The following DNAAF9 variants were observed in gnomAD, a reference collection of about 807,000 sequenced individuals.
The protein encoded by DNAAF9 is dynein axonemal assembly factor 9.
A neutral mutation model predicts 167.0 loss-of-function variants in DNAAF9; 90 were observed. That is an observed-to-expected ratio of 0.54 (90% CI 0.45 to 0.64). The LOEUF (loss-of-function observed/expected upper bound fraction) is 0.64, where lower values mean the gene tolerates loss of function less well. Ranked by LOEUF, DNAAF9 falls within the 30% of genes least tolerant of loss-of-function variation. The probability of loss-of-function intolerance (pLI) is 0.00; values close to 1 mark genes in which losing one functional copy is unlikely to be tolerated. For synonymous variants in DNAAF9, 491 were observed against 508.8 expected, an observed-to-expected ratio of 0.96 and a Z score of 0.47; for missense variants, 1,315 against 1,442.2, an observed-to-expected ratio of 0.91 and a Z score of 1.43.
intron 23 of DNAAF9, chr20:3,295,620 G>A: frequency 2.3e-6 from 1 of 438,210 alleles, no homozygotes. Context: ...GGGACTGAGA[G>A]GGAGCGTGAG....
intron 10 of DNAAF9, among the ~76,000 whole-genome samples, chr20:3,335,757 CA>C (rs151182468): frequency 0.22 from 21,433 of 97,972 alleles, 1,674 homozygotes; most frequent in African/African-American, 0.25. Flanking sequence ...AACTCCGTCT[CA>C]AAAAAAAAAA....
intron 25 of DNAAF9, among the ~76,000 whole-genome samples, chr20:3,292,005 T>C (rs1207311559): frequency 6.6e-6 from 1 of 151,414 alleles, no homozygotes; most frequent in Non-Finnish European, 1.5e-5. Flanking sequence ...AGAGCACCTT[T>C]TTTTTTTTTT....
intron 21 of DNAAF9, among the ~76,000 whole-genome samples, chr20:3,302,421 C>T (rs1341252961): frequency 6.6e-6 from 1 of 152,106 alleles, no homozygotes; most frequent in African/African-American, 2.4e-5. Flanking sequence ...GATCTGAACA[C>T]CTTATTGTTG....
At chr20:3,291,704 T>C (rs113091236) in intron 25 of DNAAF9, among the ~76,000 whole-genome samples, 6,706 of 152,216 alleles carry the variant, frequency 0.044, 222 homozygotes, top group African/African-American at 0.093. Context: ...AAATAACTTA[T>C]GCTAAAGCTA....
At chr20:3,358,621 C>A (rs2123171633) in intron 7 of DNAAF9, among the ~76,000 whole-genome samples, 1 of 152,276 alleles carries the variant, frequency 6.6e-6, no homozygotes, top group African/African-American at 2.4e-5. Flanking sequence ...ACCTTCCGTT[C>A]TTTCAAGGAA....
Position 3,330,681 on chromosome 20 carries a change from A to C in DNAAF9, c.1065T>G (p.Gly355=). The C allele has an allele frequency of 6.3e-7, 1 of 1,593,370 alleles. No homozygotes were observed. Among genetic ancestry groups the C allele is most frequent in the Non-Finnish European group, 8.6e-7 (1 of 1,163,288 alleles). Residue 355 remains glycine (G), a splice_region_variant and synonymous_variant, in exon 12 of 37, where the codon GGT becomes GGG. Transcript: ENST00000252032. ...FFGATHVPYL[G]GDSKLPKKTE... ...TTTTCTTGGGCAGCTTGCTGTCACC[A>C]CCTGTGAAAGAGGCCCACTAAGAAT...
rs757136085 is a variant in DNAAF9 at position 3,382,450 on chromosome 20, G to A, written c.140C>T (p.Pro47Leu). Residue 47 changes from proline to leucine, a missense_variant, in exon 2 of 37, where the codon CCG (proline) becomes CTG (leucine). Transcript: ENST00000252032. ...SILTQSSKSRPDGILCILGID... is the reference protein window; with the variant it reads ...SILTQSSKSRLDGILCILGID... ...ACCTAGGATGCAGAGGATCCCATCC[G>A]GCCGAGACTTGCTGCTCTGGGTCAG... 4.3e-6 allele frequency: 7 copies of A among 1,613,616 alleles called. No homozygotes were observed. The highest frequency in any genetic ancestry group is 2.2e-5 in the East Asian group (1 of 44,882).
rs2070206118 is a variant in DNAAF9 at position 3,347,042 on chromosome 20, G to A, written c.789+1483C>T. Among the ~76,000 whole-genome samples the A allele has an allele frequency of 2.0e-5, 3 of 151,816 alleles. No individual in the cohort carries two copies. The South Asian group carries it at 6.2e-4, about 31-fold the overall frequency. On this transcript the variant is annotated intron_variant, in intron 8 of 36. Transcript: ENST00000252032. ...AACAAAATCCAAGCACAAGAAACAT[G>A]AAGAAAACTACAGCAAGACATACCA...
rs1351016754 is a variant in DNAAF9, at chr20:3,349,610, A to G, written c.691-987T>C. On this transcript the variant is annotated intron_variant, in intron 7 of 36. Transcript: ENST00000252032. ...TCTAGTAGCCACATGAGCACTGAGA[A>G]ACTGCACCCTTCTTAGCTGACTCTC... Among the ~76,000 whole-genome samples, 4 of 152,148 alleles carry G rather than the reference A, an allele frequency of 2.6e-5. No homozygotes were observed. The East Asian group carries it at 7.7e-4, about 29-fold the overall frequency.
chr20:3,317,977 C>T (rs557378627), intron 17 of DNAAF9, among the ~76,000 whole-genome samples: 58 of 152,196 alleles, frequency 3.8e-4, no homozygotes, highest in African/African-American at 1.3e-3. Flanking sequence ...TTGTTTTCCA[C>T]GTCTGTGAAG....
chr20:3,379,664 ATGTAGAAATTTGG>A (rs2083621183), intron 3 of DNAAF9, among the ~76,000 whole-genome samples: 1 of 152,174 alleles, frequency 6.6e-6, no homozygotes, highest in Non-Finnish European at 1.5e-5. Flanking sequence ...TGAGATCAAA[ATGTAGAAATTTGG>A]TGATCTCTGC....
At chr20:3,398,115 A>G (rs1286407236) in intron 1 of DNAAF9, among the ~76,000 whole-genome samples, 1 of 152,192 alleles carries the variant, frequency 6.6e-6, no homozygotes, top group Non-Finnish European at 1.5e-5. Context: ...CTCTAAAGCT[A>G]GAAGAGAAAT....
At chr20:3,395,466 A>C (rs1401403455) in intron 1 of DNAAF9, among the ~76,000 whole-genome samples, 2 of 151,830 alleles carry the variant, frequency 1.3e-5, no homozygotes, top group African/African-American at 4.8e-5. Context: ...TTTTTAGTAA[A>C]GACAGGGTTA....
At chr20:3,272,115 T>C (rs1395839589) in intron 29 of DNAAF9, among the ~76,000 whole-genome samples, 1 of 152,114 alleles carries the variant, frequency 6.6e-6, no homozygotes, top group Non-Finnish European at 1.5e-5. Context: ...CAAACAAAAA[T>C]ACTTCAACGT....
At chr20:3,329,538 T>C (rs549771322) in intron 12 of DNAAF9, among the ~76,000 whole-genome samples, 1 of 152,330 alleles carries the variant, frequency 6.6e-6, no homozygotes, top group Non-Finnish European at 1.5e-5. Context: ...TTTCTCTAAT[T>C]CCATATTTTC....
At position 3,324,959 on chromosome 20, in the gene DNAAF9, C is replaced by T. The variant is rs1314565356; in HGVS notation, c.1198G>A (p.Val400Ile). 12 of 1,591,266 alleles carry T rather than the reference C, an allele frequency of 7.5e-6. No homozygotes were observed. The East Asian group carries it at 8.9e-5, about 12-fold the overall frequency. ...CCAGATCCCAGAGTTTGCTCTGCTACCTCCTTGGCCTGTAAAATAATAAGA... is the reference window on the plus strand; with the variant it reads ...CCAGATCCCAGAGTTTGCTCTGCTATCTCCTTGGCCTGTAAAATAATAAGA... The part of the protein sequence containing the change: ...KTSSLTKAKE[V>I]AEQTLGSGLD... Residue 400 changes from valine to isoleucine, a missense_variant, in exon 14 of 37, where the codon GTA (valine) becomes ATA (isoleucine). Physicochemically the swap from Val to Ile is conservative, Grantham distance 29. This residue lies in a region of DNAAF9 where 981 missense variants were observed against 1,012.5 expected (regional missense o/e 0.97). Coordinates refer to ENST00000252032, the MANE Select transcript of DNAAF9 (RefSeq NM_001009984.3).
At chr20:3,323,090 T>C (rs998741574) in intron 14 of DNAAF9, among the ~76,000 whole-genome samples, 9 of 150,780 alleles carry the variant, frequency 6.0e-5, no homozygotes, top group African/African-American at 2.2e-4. Context: ...GCCTTCAGAG[T>C]TGAGAAATAA....
At chr20:3,347,894 C>T (rs2070228195) in intron 8 of DNAAF9, among the ~76,000 whole-genome samples, 1 of 152,086 alleles carries the variant, frequency 6.6e-6, no homozygotes, top group Non-Finnish European at 1.5e-5. Flanking sequence ...TGCACTCCAG[C>T]CTGGGCGACA....
chr20:3,263,225 C>T (rs2068426430), intron 31 of DNAAF9, among the ~76,000 whole-genome samples: 4 of 152,038 alleles, frequency 2.6e-5, no homozygotes, highest in South Asian at 2.1e-4. Flanking sequence ...CTGCCCGCCT[C>T]GGCATCCCAA....
Sources: allele counts gnomAD v4.1 joint callset (sites outside exome capture counted in the v4.1 genomes callset), GRCh38; gene constraint gnomAD v4.1.1; regional missense constraint gnomAD v4.1.1; transcripts MANE v1.5; gene names NCBI Gene and HGNC (gene_info 2026-07-23, HGNC 2026-07-21).